CAPN6: variants seen among roughly 807,000 people sequenced by gnomAD.
The protein encoded by CAPN6 is calpain-6.
In CAPN6, 16 loss-of-function variants were observed where a neutral mutation model predicts 46.0. That is an observed-to-expected ratio of 0.35 (90% CI 0.24 to 0.53). The LOEUF is 0.53. Ranked by LOEUF, CAPN6 falls within the 20% of genes least tolerant of loss-of-function variation. CAPN6 has a pLI of 0.94. For synonymous variants in CAPN6, 206 were observed against 172.8 expected, an observed-to-expected ratio of 1.19 and a Z score of -1.51; for missense variants, 461 against 498.0, an observed-to-expected ratio of 0.93 and a Z score of 0.71.
At chrX:111,258,150 A>G (rs1240096413) in intron 2 of CAPN6, among the ~76,000 whole-genome samples, 1 of 111,112 alleles carries the variant, frequency 9.0e-6, no homozygotes, top group Non-Finnish European at 1.9e-5. Context: ...ACTCTATGTG[A>G]CTCCCTTTGC....
At chrX:111,250,522 A>C (rs2094978329) in intron 8 of CAPN6, among the ~76,000 whole-genome samples, 1 of 111,164 alleles carries the variant, frequency 9.0e-6, no homozygotes, top group Non-Finnish European at 1.9e-5. Flanking sequence ...GAATATAGTA[A>C]ATGTGCACCC....
At position 111,270,397 on chromosome X, in the gene CAPN6, T is replaced by A; in HGVS notation, c.-42A>T. 2.9e-6 allele frequency: 1 copy of A among 346,886 alleles called. No individual in the cohort carries two copies. The allele number at this position is 346,886 out of a possible 1,213,427, so 28.6% of individuals were successfully genotyped here. A position where few individuals can be genotyped will look rare whatever the true frequency, so the allele number is the denominator to read the frequency against. On this transcript the variant is annotated 5_prime_UTR_variant, in exon 1 of 13. Transcript: ENST00000324068. ...TGAGTTATCCCAGGAGCCCTGCTGCTGCTGCTGCTGCTGCTGCTGCTGCTG... is the reference window on the plus strand; with the variant it reads ...TGAGTTATCCCAGGAGCCCTGCTGCAGCTGCTGCTGCTGCTGCTGCTGCTG...
intron 10 of CAPN6, among the ~76,000 whole-genome samples, chrX:111,248,340 C>T (rs766176807): frequency 1.1e-4 from 12 of 112,220 alleles, no homozygotes; most frequent in Admixed American, 9.4e-4. Context: ...AGACTATAGG[C>T]CTGTTCCTCT....
rs748233704 is a variant in CAPN6 at position 111,254,318 on chromosome X, AC to A, written c.250del (p.Val84PhefsTer52). 1 of 1,207,686 alleles carries A rather than the reference AC, an allele frequency of 8.3e-7. No homozygotes were observed. The highest frequency in any genetic ancestry group is 1.1e-6 in the Non-Finnish European group (1 of 892,332). ...TQGRLGHKPMVSAFSCLAVQE... is the reference protein window; with the variant it reads ...TQGRLGHKPMXSAFSCLAVQE... Reference sequence around the variant, plus strand: ...AACAGCCAAACAGGAAAATGCAGAAACCATTGGCTTGTGCCCCAGTCTCCCT... The same window carrying A: ...AACAGCCAAACAGGAAAATGCAGAAACATTGGCTTGTGCCCCAGTCTCCCT... On this transcript the variant is annotated frameshift_variant, in exon 3 of 13. Coordinates refer to ENST00000324068, the MANE Select transcript of CAPN6 (RefSeq NM_014289.4). LOFTEE classifies it high-confidence loss of function.
rs1199617985 is a variant in CAPN6, at chrX:111,263,810, G to A, written c.127C>T (p.Arg43Ter). 6 of 1,209,659 alleles carry A rather than the reference G, an allele frequency of 5.0e-6. No homozygotes were observed. The highest frequency in any genetic ancestry group is 6.7e-6 in the Non-Finnish European group (6 of 894,458). Residue 43 changes from arginine to a stop codon, truncating the protein, a stop_gained, in exon 2 of 13, where the codon CGA becomes TGA. Coordinates refer to ENST00000324068, the MANE Select transcript of CAPN6 (RefSeq NM_014289.4). LOFTEE classifies it high-confidence loss of function. ...LPENDSLFYN[R>*]LLPGKVVWKR... Reference sequence around the variant, plus strand: ...CACACCACCTTTCCAGGAAGCAGTCGGTTGTAGAAAAGAGAATCATTCTCA... The same window carrying A: ...CACACCACCTTTCCAGGAAGCAGTCAGTTGTAGAAAAGAGAATCATTCTCA...
rs774046546 is a variant in CAPN6, at chrX:111,267,097, G to A, written c.-15-3146C>T. 5.4e-5 allele frequency among the ~76,000 whole-genome samples: 6 copies of A among 111,993 alleles called. 1 individual carries two copies. In the South Asian group the frequency reaches 1.9e-3, roughly 35 times the overall value. Reference sequence around the variant, plus strand: ...CCCTCCTTTCTGTTCTATTGCACCCGATGGCGATGGGGAAGGGAGAGCCCT... The same window carrying A: ...CCCTCCTTTCTGTTCTATTGCACCCAATGGCGATGGGGAAGGGAGAGCCCT... On this transcript the variant is annotated intron_variant, in intron 1 of 12. Coordinates refer to ENST00000324068, the MANE Select transcript of CAPN6 (RefSeq NM_014289.4).
Position 111,263,875 on chromosome X carries a change from A to G in CAPN6, c.62T>C (p.Ile21Thr). ...ATCACAGAAAAGTCTGCTGTCTTTG[A>G]TGCATTCCTGCTTCAGTTCCTGGTA... ...QKYQELKQEC[I>T]KDSRLFCDPT... The change falls in exon 2 of 13, where the codon ATC (isoleucine) becomes ACC (threonine). Residue 21 changes from isoleucine (I) to threonine (T), a missense_variant. By Grantham distance (89) the Ile-to-Thr change is moderately conservative. Transcript: ENST00000324068. 8.3e-7 allele frequency: 1 copy of G among 1,208,043 alleles called. No homozygotes were observed.
At chrX:111,253,459 G>T (rs1019087222) in intron 3 of CAPN6, among the ~76,000 whole-genome samples, 1 of 112,393 alleles carries the variant, frequency 8.9e-6, no homozygotes, top group African/African-American at 3.2e-5. Flanking sequence ...ACACAGTGTG[G>T]CTGGGACAAC....
intron 8 of CAPN6, among the ~76,000 whole-genome samples, chrX:111,249,892 AAGGGAGGG>A (rs35840656): frequency 3.3e-5 from 3 of 91,204 alleles, no homozygotes; most frequent in African/African-American, 8.7e-5. Flanking sequence ...GGAAGAAAAG[AAGGGAGGG>A]AGGGAGGGAG....
intron 1 of CAPN6, among the ~76,000 whole-genome samples, chrX:111,266,030 C>T (rs1307974362): frequency 2.7e-5 from 3 of 110,009 alleles, no homozygotes; most frequent in East Asian, 2.9e-4. Flanking sequence ...GACGGAACAC[C>T]TTTTGGGTCA....
At position 111,245,162 on chromosome X, in the gene CAPN6, T is replaced by G. The variant is rs1195261477; in HGVS notation, c.*1415A>C. 1 of 112,706 alleles carries G rather than the reference T, an allele frequency of 8.9e-6. No homozygotes were observed. The highest frequency in any genetic ancestry group is 1.9e-5 in the Non-Finnish European group (1 of 53,344). The allele number at this position is 112,706 out of a possible 1,213,427, so 9.3% of individuals were successfully genotyped here. A position where few individuals can be genotyped will look rare whatever the true frequency, so the allele number is the denominator to read the frequency against. ...ATGTAAGGCAGTGTAGTGAAGGCAC[T>G]GCAGAAGTTAAACAGACTGGAAAAC... On this transcript the variant is annotated 3_prime_UTR_variant, in exon 13 of 13. Transcript: ENST00000324068.
chrX:111,252,482 T>G lies in CAPN6; in HGVS notation c.524A>C (p.Glu175Ala), dbSNP rs1359822436. The change falls in exon 5 of 13, where the codon GAG (glutamate) becomes GCG (alanine). Residue 175 changes from glutamate to alanine, a missense_variant. Coordinates refer to ENST00000324068, the MANE Select transcript of CAPN6 (RefSeq NM_014289.4). ...KAYAKLLGCY[E>A]ALDGLTITDI... ...AGTGATGGTCAAACCATCCAGGGCC[T>G]CATAACAGCCTAGCAGCCTGAGGGC... is the stretch of plus-strand genomic sequence containing the variant. 8.3e-7 allele frequency: 1 copy of G among 1,205,810 alleles called. No homozygotes were observed. Among genetic ancestry groups the G allele is most frequent in the Non-Finnish European group, 1.1e-6 (1 of 893,018 alleles).
chrX:111,263,087 G>C (rs2094989126), intron 2 of CAPN6, among the ~76,000 whole-genome samples: 1 of 112,380 alleles, frequency 8.9e-6, no homozygotes, highest in South Asian at 3.7e-4. Flanking sequence ...AGAGGCAAGA[G>C]CATAGTTGCT....
At chrX:111,265,377 G>A (rs2094991004) in intron 1 of CAPN6, among the ~76,000 whole-genome samples, 1 of 112,458 alleles carries the variant, frequency 8.9e-6, no homozygotes, top group African/African-American at 3.2e-5. Flanking sequence ...AAGAAGCTGA[G>A]AATAACCACA....
chrX:111,264,956 A>C (rs1317670502), intron 1 of CAPN6, among the ~76,000 whole-genome samples: 3 of 112,156 alleles, frequency 2.7e-5, no homozygotes, highest in Non-Finnish European at 5.6e-5. Context: ...GGCATTCAAC[A>C]GTAAATAAGA....
chrX:111,260,647 T>G (rs1031357380), intron 2 of CAPN6, among the ~76,000 whole-genome samples: 4 of 110,928 alleles, frequency 3.6e-5, no homozygotes, highest in South Asian at 7.7e-4. Flanking sequence ...TTTGACGTGG[T>G]TCTTGACCAC....
chrX:111,262,043 T>C (rs2094988297), intron 2 of CAPN6, among the ~76,000 whole-genome samples: 1 of 111,379 alleles, frequency 9.0e-6, no homozygotes, highest in South Asian at 3.8e-4. Context: ...CACCATCCAT[T>C]CATAAGAGTG....
In CAPN6 at chrX:111,246,338, T is replaced by A; in HGVS notation, c.*239A>T. On this transcript the variant is annotated 3_prime_UTR_variant, in exon 13 of 13. Coordinates refer to ENST00000324068, the MANE Select transcript of CAPN6 (RefSeq NM_014289.4). ...GCCCCAGAGATCCTTTCTTGGCAAA[T>A]GTGTATGATGTCTAGATAGGACTGT... The A allele has an allele frequency of 2.7e-6, 1 of 363,806 alleles. No individual in the cohort carries two copies. The highest frequency in any genetic ancestry group is 4.4e-5 in the East Asian group (1 of 22,473). The allele number at this position is 363,806 out of a possible 1,213,427, so 30.0% of individuals were successfully genotyped here.
chrX:111,252,519 G>T lies in CAPN6; in HGVS notation c.507-20C>A. ...AGCAGCCTGAGGGCAAGTATGCAAGGTTATCTTTGTAAAATTGTTTTTCCA... is the reference window on the plus strand; with the variant it reads ...AGCAGCCTGAGGGCAAGTATGCAAGTTTATCTTTGTAAAATTGTTTTTCCA... On this transcript the variant is annotated intron_variant, in intron 4 of 12. Transcript: ENST00000324068. The T allele has an allele frequency of 6.9e-6, 8 of 1,154,032 alleles. No individual in the cohort carries two copies. Among genetic ancestry groups the T allele is most frequent in the Non-Finnish European group, 9.3e-6 (8 of 860,620 alleles).
Sources: allele counts gnomAD v4.1 joint callset (sites outside exome capture counted in the v4.1 genomes callset), GRCh38; gene constraint gnomAD v4.1.1; transcripts MANE v1.5; gene names NCBI Gene and HGNC (gene_info 2026-07-23, HGNC 2026-07-21).